Variants in DMBT1 observed in about 807,000 individuals in gnomAD.
DMBT1 encodes the protein scavenger receptor cysteine-rich domain-containing protein DMBT1.
A neutral mutation model predicts 252.9 loss-of-function variants in DMBT1; 198 were observed. That is an observed-to-expected ratio of 0.78 (90% CI 0.70 to 0.88). The LOEUF is 0.88. Among genes scored for constraint, DMBT1 ranks in the 40% least tolerant of loss-of-function variants. The probability of loss-of-function intolerance (pLI) is 0.00; values close to 1 mark genes in which losing one functional copy is unlikely to be tolerated. For missense variants in DMBT1, 2,432 were observed against 2,404.7 expected, an observed-to-expected ratio of 1.01 and a Z score of -0.24; for synonymous variants, 990 against 942.7, an observed-to-expected ratio of 1.05 and a Z score of -0.92.
At chr10:122,593,722 A>G in intron 21 of DMBT1, 124 bp downstream of exon 21, 2 of 1,313,690 alleles carry the variant, frequency 1.5e-6, no homozygotes, top group Non-Finnish European at 2.1e-6. Context: ...TTCCACCCCC[A>G]ACACCGGCTG....
At chr10:122,624,931 G>A (rs960874877) in intron 44 of DMBT1, among the ~76,000 whole-genome samples, 1 of 152,188 alleles carries the variant, frequency 6.6e-6, no homozygotes, top group Admixed American at 6.5e-5. Context: ...CCTCTTCCCA[G>A]CCTGAGCTTC....
At chr10:122,626,662 G>T (rs1176767919) in intron 46 of DMBT1, among the ~76,000 whole-genome samples, 3 of 152,164 alleles carry the variant, frequency 2.0e-5, no homozygotes, top group African/African-American at 2.4e-5. Flanking sequence ...ATCAAGAATG[G>T]TTGTAAAATT....
At chr10:122,626,807 G>A (rs2098122231) in intron 46 of DMBT1, among the ~76,000 whole-genome samples, 1 of 152,228 alleles carries the variant, frequency 6.6e-6, no homozygotes, top group South Asian at 2.1e-4. Flanking sequence ...GGAAGTATTA[G>A]TAGAGATCTT....
intron 18 of DMBT1, among the ~76,000 whole-genome samples, chr10:122,590,947 C>T (rs1200297378): frequency 6.7e-6 from 1 of 148,450 alleles, no homozygotes; most frequent in Non-Finnish European, 1.5e-5. Context: ...TTAAACATGC[C>T]TGTCCATGGG....
At position 122,630,284 on chromosome 10, in the gene DMBT1, A is replaced by C. The variant is rs769986470; in HGVS notation, c.5823-4A>C. On this transcript the variant is annotated splice_region_variant and splice_polypyrimidine_tract_variant and intron_variant, in intron 47 of 55. Transcript: ENST00000338354. The stretch of plus-strand genomic sequence containing the variant: ...GTTGACTTGAATACATTTTCTCCAT[A>C]CAGATTGGAGGCACACCATAACTGC... The C allele has an allele frequency of 6.2e-7, 1 of 1,612,286 alleles. No individual in the cohort carries two copies. The highest frequency in any genetic ancestry group is 8.5e-7 in the Non-Finnish European group (1 of 1,178,426).
chr10:122,634,088 T>C (rs2098189661), intron 52 of DMBT1, among the ~76,000 whole-genome samples: 1 of 152,164 alleles, frequency 6.6e-6, no homozygotes, highest in Non-Finnish European at 1.5e-5. Flanking sequence ...TGGTGAACTA[T>C]GATAGCGCCA....
At chr10:122,560,913 C>A in intron 1 of DMBT1, 82 bp downstream of exon 1, 1 of 1,102,424 alleles carries the variant, frequency 9.1e-7, no homozygotes, top group Non-Finnish European at 1.3e-6. Context: ...CTTTCCATTA[C>A]AAGGGAAGTT....
At chr10:122,619,133 T>C (rs1591471604) in intron 41 of DMBT1, among the ~76,000 whole-genome samples, 175 bp from the exon 42 acceptor site, 1 of 152,216 alleles carries the variant, frequency 6.6e-6, no homozygotes, top group Non-Finnish European at 1.5e-5. Context: ...AGGATCTGCC[T>C]GCACCCCTTA....
At chr10:122,570,123 G>A (rs2097647585) in intron 2 of DMBT1, 39 bp from the exon 3 acceptor site, 1 of 1,563,778 alleles carries the variant, frequency 6.4e-7, no homozygotes. Flanking sequence ...CCCCAAGCAA[G>A]GGCTACCATC....
At chr10:122,591,723 G>C (rs1051222523) in intron 19 of DMBT1, among the ~76,000 whole-genome samples, 1 of 148,706 alleles carries the variant, frequency 6.7e-6, no homozygotes, top group African/African-American at 2.4e-5. Flanking sequence ...TCTCCTGTTG[G>C]ACCGTGTTCC....
In DMBT1 at chr10:122,643,478, A is replaced by G. The variant is rs933805339; in HGVS notation, c.*80A>G. On this transcript the variant is annotated 3_prime_UTR_variant, in exon 56 of 56. Coordinates refer to ENST00000338354, the MANE Select transcript of DMBT1 (RefSeq NM_001377530.1). ...CTTGGGATGTTCCTCTTGGTGTCAT[A>G]TTCCAACTCAGATTGAGCCCTACAT... The G allele has an allele frequency of 3.9e-5, 58 of 1,501,944 alleles. No individual in the cohort carries two copies. Among genetic ancestry groups the G allele is most frequent in the Non-Finnish European group, 4.9e-5 (55 of 1,118,626 alleles). The allele number at this position is 1,501,944 out of a possible 1,614,324, so 93.0% of individuals were successfully genotyped here. A position where few individuals can be genotyped will look rare whatever the true frequency, so the allele number is the denominator to read the frequency against.
rs182864615 is a variant in DMBT1, at chr10:122,592,912, G to A, written c.2500+317G>A. Among the ~76,000 whole-genome samples, 4 of 148,710 alleles carry A rather than the reference G, an allele frequency of 2.7e-5. No homozygotes were observed. In the East Asian group the frequency reaches 8.3e-4, roughly 31 times the overall value. On this transcript the variant is annotated intron_variant, in intron 20 of 55. Transcript: ENST00000338354. ...TCTCCTCAGCTGAGTAGCACTGGGT[G>A]AGGGTATCATGGACATAGGACAGAC...
Position 122,589,284 on chromosome 10 carries a change from T to G in DMBT1, c.2107+17T>G. On this transcript the variant is annotated intron_variant, in intron 17 of 55. Coordinates refer to ENST00000338354, the MANE Select transcript of DMBT1 (RefSeq NM_001377530.1). Reference sequence around the variant, plus strand: ...TCTGCTCAGGTGGGCCTCCAGCAATTTTGGTTTCCTCTCTTGGGGTAGATT... The same window carrying G: ...TCTGCTCAGGTGGGCCTCCAGCAATGTTGGTTTCCTCTCTTGGGGTAGATT... The G allele has an allele frequency of 2.5e-6, 4 of 1,588,126 alleles. No homozygotes were observed. Among genetic ancestry groups the G allele is most frequent in the Non-Finnish European group, 3.4e-6 (4 of 1,165,586 alleles).
At chr10:122,579,529 C>A (rs751178670) in intron 9 of DMBT1, 49 bp from the exon 10 acceptor site, 1 of 1,611,526 alleles carries the variant, frequency 6.2e-7, no homozygotes, top group Middle Eastern at 2.1e-4. Flanking sequence ...ACCTTAGATT[C>A]TTGACCTCAT....
At chr10:122,586,537 A>G (rs564201970) in intron 16 of DMBT1, among the ~76,000 whole-genome samples, 154 bp downstream of exon 16, 3 of 148,590 alleles carry the variant, frequency 2.0e-5, no homozygotes, top group South Asian at 2.3e-4. Context: ...ATGAGTCTTC[A>G]CCACATTGCC....
At chr10:122,628,255 G>A (rs1188658334) in intron 46 of DMBT1, among the ~76,000 whole-genome samples, 1 of 152,240 alleles carries the variant, frequency 6.6e-6, no homozygotes, top group South Asian at 2.1e-4. Flanking sequence ...GTAGCCAAAT[G>A]TGAATGCAAT....
chr10:122,637,770 G>C (rs2098239098), intron 54 of DMBT1, among the ~76,000 whole-genome samples: 1 of 152,224 alleles, frequency 6.6e-6, no homozygotes, highest in African/African-American at 2.4e-5. Flanking sequence ...CTTGGAGGAG[G>C]CCTGCACATT....
In DMBT1 at chr10:122,590,943, A is replaced by G. The variant is rs184612212; in HGVS notation, c.2137+249A>G. 3.6e-3 allele frequency among the ~76,000 whole-genome samples: 528 copies of G among 148,328 alleles called. 25 individuals are homozygous for G. Among genetic ancestry groups the G allele is most frequent in the African/African-American group, 0.012 (490 of 41,126 alleles). ...GGCAATTTCAGCTAAAGCCTTAAAC[A>G]TGCCTGTCCATGGGCAAGAATGTCA... On this transcript the variant is annotated intron_variant, in intron 18 of 55. Coordinates refer to ENST00000338354, the MANE Select transcript of DMBT1 (RefSeq NM_001377530.1).
At chr10:122,578,644 C>T in intron 8 of DMBT1, 74 bp from the exon 9 acceptor site, 2 of 1,327,710 alleles carry the variant, frequency 1.5e-6, no homozygotes, top group East Asian at 4.9e-5. Flanking sequence ...CTTGCCTGGT[C>T]CAGAGAACCG....
Sources: allele counts gnomAD v4.1 joint callset (sites outside exome capture counted in the v4.1 genomes callset), GRCh38; gene constraint gnomAD v4.1.1; transcripts MANE v1.5; gene names NCBI Gene and HGNC (gene_info 2026-07-23, HGNC 2026-07-21).